Variants in GSK3B observed in about 807,000 individuals in gnomAD.
The protein encoded by GSK3B is glycogen synthase kinase 3 beta.
Under a neutral mutation model 56.4 loss-of-function variants are expected in GSK3B, and 15 were observed. That is an observed-to-expected ratio of 0.27 (90% confidence interval 0.18 to 0.41). GSK3B has a LOEUF of 0.41. Among genes scored for constraint, GSK3B ranks in the 10% least tolerant of loss-of-function variants. The probability of loss-of-function intolerance (pLI) is 1.00; values close to 1 mark genes in which losing one functional copy is unlikely to be tolerated. For missense variants in GSK3B, 300 were observed against 513.4 expected (o/e 0.58, Z 4.02); for synonymous variants, 181 against 188.9 (o/e 0.96, Z 0.34).
At chr3:119,913,133 A>C (rs1559833997) in intron 5 of GSK3B, among the ~76,000 whole-genome samples, 1 of 152,090 alleles carries the variant, frequency 6.6e-6, no homozygotes, top group South Asian at 2.1e-4. Flanking sequence ...CAAAGAAGCA[A>C]GGGCAGAAAA....
chr3:120,019,159 A>G (rs2057851526), intron 1 of GSK3B, among the ~76,000 whole-genome samples: 1 of 152,210 alleles, frequency 6.6e-6, no homozygotes, highest in Admixed American at 6.5e-5. Context: ...CATTCAAAAA[A>G]TATATTTTCT....
Position 119,824,053 on chromosome 3 carries a change from G to A in GSK3B, c.*2735C>T, listed in dbSNP as rs768185318. ...AAAACTATATGGCTTTAAAAAGCTC[G>A]TCTACATTTTGTCTGATTATTAAAC... On this transcript the variant is annotated 3_prime_UTR_variant, in exon 11 of 11. Coordinates refer to ENST00000264235, the MANE Select transcript of GSK3B (RefSeq NM_001146156.2). 38 of 202,580 alleles carry A rather than the reference G, an allele frequency of 1.9e-4. No individual in the cohort carries two copies. The highest frequency in any genetic ancestry group is 6.9e-4 in the African/African-American group (30 of 43,706). 12.5% of individuals were successfully genotyped at this position (202,580 alleles called of 1,614,324 possible). A position where few individuals can be genotyped will look rare whatever the true frequency, so the allele number is the denominator to read the frequency against.
At chr3:120,010,324 C>T (rs1576268837) in intron 1 of GSK3B, among the ~76,000 whole-genome samples, 1 of 152,032 alleles carries the variant, frequency 6.6e-6, no homozygotes, top group African/African-American at 2.4e-5. Flanking sequence ...GTTATTCTCT[C>T]CCTCATTTGT....
chr3:120,088,426 C>T (rs2058483401), intron 1 of GSK3B, among the ~76,000 whole-genome samples: 1 of 152,130 alleles, frequency 6.6e-6, no homozygotes, highest in Admixed American at 6.5e-5. Flanking sequence ...GTTCTATTCA[C>T]ATAGGTTTTT....
chr3:119,867,818 G>A (rs908911641), intron 8 of GSK3B, among the ~76,000 whole-genome samples: 1 of 152,032 alleles, frequency 6.6e-6, no homozygotes, highest in Non-Finnish European at 1.5e-5. Flanking sequence ...ATAATCCGCG[G>A]ATTACTTTTA....
chr3:119,957,039 G>C (rs569209766), intron 2 of GSK3B, among the ~76,000 whole-genome samples: 1 of 152,242 alleles, frequency 6.6e-6, no homozygotes, highest in African/African-American at 2.4e-5. Flanking sequence ...CAGGTGGCTG[G>C]TTCACTGTTT....
chr3:119,854,190 T>C (rs1277481567), intron 9 of GSK3B, among the ~76,000 whole-genome samples: 1 of 152,202 alleles, frequency 6.6e-6, no homozygotes, highest in East Asian at 1.9e-4. Flanking sequence ...GTGGTTTTTG[T>C]CTTTGGTTTT....
At chr3:119,947,858 G>T (rs2057115131) in intron 2 of GSK3B, among the ~76,000 whole-genome samples, 1 of 143,756 alleles carries the variant, frequency 7.0e-6, no homozygotes, top group African/African-American at 2.6e-5. Context: ...TGAATGCAGA[G>T]CGAAACTCCA....
At chr3:119,840,709 T>C (rs1237935154) in intron 10 of GSK3B, among the ~76,000 whole-genome samples, 1 of 152,200 alleles carries the variant, frequency 6.6e-6, no homozygotes, top group African/African-American at 2.4e-5. Flanking sequence ...TGCAGCGCCA[T>C]AGAAAACTGT....
chr3:120,062,942 C>A (rs2058250231), intron 1 of GSK3B, among the ~76,000 whole-genome samples: 1 of 152,022 alleles, frequency 6.6e-6, no homozygotes, highest in Non-Finnish European at 1.5e-5. Context: ...AGGAAGCATA[C>A]AAACATGCAA....
At chr3:119,877,757 T>C (rs981500473) in intron 7 of GSK3B, among the ~76,000 whole-genome samples, 23 of 152,278 alleles carry the variant, frequency 1.5e-4, no homozygotes, top group African/African-American at 5.1e-4. Flanking sequence ...CAAAAATGTA[T>C]TGAGCACTTC....
chr3:119,892,676 T>C (rs1439370856), intron 7 of GSK3B, among the ~76,000 whole-genome samples: 1 of 152,174 alleles, frequency 6.6e-6, no homozygotes, highest in Admixed American at 6.5e-5. Flanking sequence ...TAATGTGGTA[T>C]GCACCTTGAA....
intron 1 of GSK3B, among the ~76,000 whole-genome samples, chr3:120,007,176 A>C (rs1256999545): frequency 3.3e-5 from 5 of 152,192 alleles, no homozygotes; most frequent in Non-Finnish European, 2.9e-5. Context: ...AAATGGATAA[A>C]TTCCTGGACA....
intron 4 of GSK3B, among the ~76,000 whole-genome samples, chr3:119,919,532 G>GAAAAAAAAAAAAAAAA (rs1191428996): frequency 1.0e-5 from 1 of 97,358 alleles, no homozygotes; most frequent in Non-Finnish European, 2.2e-5. Context: ...AAAAAAAAAA[G>GAAAAAAAAAAAAAAAA]AAAAAAAAAA....
chr3:119,875,795 A>G (rs2056305349), intron 8 of GSK3B, among the ~76,000 whole-genome samples: 1 of 152,102 alleles, frequency 6.6e-6, no homozygotes, highest in South Asian at 2.1e-4. Context: ...GAAAAAAAAA[A>G]GTTCCCTGGT....
chr3:120,074,610 C>T (rs1418018296), intron 1 of GSK3B, among the ~76,000 whole-genome samples: 1 of 151,992 alleles, frequency 6.6e-6, no homozygotes, highest in African/African-American at 2.4e-5. Flanking sequence ...GCCACCACAC[C>T]CAGCGCTGAG....
intron 7 of GSK3B, among the ~76,000 whole-genome samples, chr3:119,894,105 T>C (rs1418765784): frequency 6.6e-6 from 1 of 152,164 alleles, no homozygotes; most frequent in Admixed American, 6.6e-5. Context: ...CTTCTGGACA[T>C]TTAATATAAA....
chr3:119,970,908 T>G (rs1190495313), intron 2 of GSK3B, among the ~76,000 whole-genome samples: 1 of 152,254 alleles, frequency 6.6e-6, no homozygotes, highest in East Asian at 1.9e-4. Context: ...TATTCTTTTT[T>G]GTTGTCTAAA....
chr3:119,874,124 T>C (rs2056279845), intron 8 of GSK3B, among the ~76,000 whole-genome samples: 1 of 152,132 alleles, frequency 6.6e-6, no homozygotes, highest in Non-Finnish European at 1.5e-5. Context: ...AATCAACCAT[T>C]CCTCACATTC....
Sources: gnomAD v4.1 joint callset for allele counts (sites outside exome capture counted in the v4.1 genomes callset) on GRCh38, gnomAD v4.1.1 for gene constraint, MANE v1.5 for transcripts, NCBI Gene and HGNC (gene_info 2026-07-23, HGNC 2026-07-21) for gene names.